Variants in CNTNAP3 observed in about 807,000 individuals in gnomAD.
CNTNAP3 encodes contactin-associated protein-like 3.
CNTNAP3 carries 36 observed loss-of-function variants against 92.1 expected under a neutral mutation model. The observed-to-expected ratio is 0.39, with a 90% CI of 0.30 to 0.52. The LOEUF (loss-of-function observed/expected upper bound fraction) is 0.52, where lower values mean the gene tolerates loss of function less well. Among genes scored for constraint, CNTNAP3 ranks in the 20% least tolerant of loss-of-function variants. The pLI is 0.76. For missense variants in CNTNAP3, 534 were observed against 1,069.6 expected (o/e 0.50, Z 6.98); for synonymous variants, 232 against 422.3 (o/e 0.55, Z 5.53).
intron 13 of CNTNAP3, among the ~76,000 whole-genome samples, chr9:39,127,738 T>C (rs1016643958): frequency 1.3e-5 from 2 of 152,230 alleles, no homozygotes; most frequent in African/African-American, 4.8e-5. Context: ...ATTTAAGTAA[T>C]TGTAACTATT....
intron 18 of CNTNAP3, among the ~76,000 whole-genome samples, chr9:39,096,494 G>T (rs1826328979): frequency 6.6e-6 from 1 of 151,912 alleles, no homozygotes; most frequent in Admixed American, 6.6e-5. Context: ...AATGTGTAAT[G>T]ATCAAATCAG....
Position 39,102,496 on chromosome 9 carries a change from C to A in CNTNAP3, c.2755+1G>T. ...TTCAGTTATAAACCACCAGCACTCA[C>A]CAATGAAGAGCTGGCTGTTGAGCTG... is the stretch of plus-strand genomic sequence containing the variant. On this transcript the variant is annotated splice_donor_variant, in intron 17 of 23. Transcript: ENST00000297668. LOFTEE classifies it high-confidence loss of function. 6.7e-7 allele frequency: 1 copy of A among 1,491,510 alleles called. No homozygotes were observed. The highest frequency in any genetic ancestry group is 9.1e-7 in the Non-Finnish European group (1 of 1,095,686). 92.4% of individuals were successfully genotyped at this position (1,491,510 alleles called of 1,614,324 possible).
In CNTNAP3 at chr9:39,065,803, A is replaced by G. The variant is rs1034474793; in HGVS notation, c.*8087T>C. Among the ~76,000 whole-genome samples the G allele has an allele frequency of 6.6e-6, 1 of 151,990 alleles. No homozygotes were observed. Among genetic ancestry groups the G allele is most frequent in the East Asian group, 1.9e-4 (1 of 5,190 alleles). ...TTCTTATATTCATTATTTTCATTTT[A>G]TTTTTGCTAATTATTGAGTTGTTAA... is the stretch of plus-strand genomic sequence containing the variant. On this transcript the variant is annotated 3_prime_UTR_variant, in exon 24 of 24. Coordinates refer to ENST00000297668, the MANE Select transcript of CNTNAP3 (RefSeq NM_033655.5).
At chr9:39,108,907 T>G (rs1006758544) in intron 15 of CNTNAP3, among the ~76,000 whole-genome samples, 5 of 152,112 alleles carry the variant, frequency 3.3e-5, no homozygotes, top group African/African-American at 1.2e-4. Flanking sequence ...TACAATCAAT[T>G]GATAATAAAT....
At chr9:39,278,189 C>A (rs2118354767) in intron 1 of CNTNAP3, among the ~76,000 whole-genome samples, 1 of 9,452 alleles carries the variant, frequency 1.1e-4, no homozygotes, top group Non-Finnish European at 3.2e-4. Context: ...TGAGTGAACT[C>A]CCATTCACAA....
intron 10 of CNTNAP3, among the ~76,000 whole-genome samples, chr9:39,147,570 A>G (rs1180726404): frequency 2.0e-5 from 3 of 152,188 alleles, no homozygotes; most frequent in African/African-American, 7.2e-5. Flanking sequence ...AATAATTTAA[A>G]AGTGCTTTCT....
At chr9:39,085,574 T>G in intron 21 of CNTNAP3, 162 bp downstream of exon 21, 1 of 689,452 alleles carries the variant, frequency 1.5e-6, no homozygotes, top group Non-Finnish European at 2.4e-6. Flanking sequence ...CACTTAGTCA[T>G]GATTATATGT....
intron 11 of CNTNAP3, among the ~76,000 whole-genome samples, chr9:39,143,393 G>T (rs1428751765): frequency 6.6e-6 from 1 of 152,096 alleles, no homozygotes; most frequent in Non-Finnish European, 1.5e-5. Flanking sequence ...GCTCCCAGGG[G>T]CTGTGGGTGC....
At chr9:39,100,940 C>T (rs919907735) in intron 17 of CNTNAP3, among the ~76,000 whole-genome samples, 1 of 150,420 alleles carries the variant, frequency 6.6e-6, no homozygotes, top group African/African-American at 2.4e-5. Context: ...TTCGGTGGGC[C>T]TAAGGTGGGG....
intron 14 of CNTNAP3, among the ~76,000 whole-genome samples, chr9:39,112,819 G>A (rs1022852897): frequency 3.0e-4 from 45 of 152,104 alleles, no homozygotes; most frequent in Non-Finnish European, 1.6e-4. Flanking sequence ...CAGCAATACA[G>A]TATGTCTTGA....
intron 9 of CNTNAP3, among the ~76,000 whole-genome samples, chr9:39,152,369 T>C (rs1430694902): frequency 7.8e-6 from 1 of 127,658 alleles, no homozygotes; most frequent in Non-Finnish European, 1.6e-5. Context: ...AAGTTTAACA[T>C]TTAACACCAT....
chr9:39,120,050 T>C (rs973547559), intron 13 of CNTNAP3, among the ~76,000 whole-genome samples: 2 of 152,184 alleles, frequency 1.3e-5, no homozygotes, highest in African/African-American at 4.8e-5. Flanking sequence ...ATACTGGCTG[T>C]AAACTTCCCA....
chr9:39,076,743 T>C (rs1197208738), intron 23 of CNTNAP3, among the ~76,000 whole-genome samples: 2 of 152,312 alleles, frequency 1.3e-5, no homozygotes, highest in African/African-American at 2.4e-5. Flanking sequence ...CCAAGGTAGG[T>C]GGATCATGAG....
At chr9:39,120,563 A>C (rs953839250) in intron 13 of CNTNAP3, among the ~76,000 whole-genome samples, 5 of 151,972 alleles carry the variant, frequency 3.3e-5, no homozygotes, top group Non-Finnish European at 7.4e-5. Flanking sequence ...CCAGCTACTC[A>C]GGAGGCTGAG....
intron 12 of CNTNAP3, among the ~76,000 whole-genome samples, chr9:39,136,554 C>G (rs868653404): frequency 6.6e-6 from 1 of 152,160 alleles, no homozygotes; most frequent in Admixed American, 6.5e-5. Context: ...CGCTGTAATA[C>G]TTATCTCCTA....
chr9:39,132,634 C>T (rs1357076148), intron 13 of CNTNAP3, among the ~76,000 whole-genome samples: 1 of 152,104 alleles, frequency 6.6e-6, no homozygotes, highest in Non-Finnish European at 1.5e-5. Context: ...CAGCCATTAT[C>T]TCCTCAGTGT....
At chr9:39,100,623 G>C (rs1385468702) in intron 17 of CNTNAP3, among the ~76,000 whole-genome samples, 1 of 151,856 alleles carries the variant, frequency 6.6e-6, no homozygotes, top group East Asian at 1.9e-4. Flanking sequence ...TTCTTACTTG[G>C]ATGGACTCTA....
At chr9:39,116,245 C>T (rs1236725216) in intron 14 of CNTNAP3, among the ~76,000 whole-genome samples, 4 of 152,166 alleles carry the variant, frequency 2.6e-5, no homozygotes, top group Admixed American at 6.5e-5. Flanking sequence ...TAATAACCTG[C>T]CAATGCTCTC....
chr9:39,209,617 CCCT>C (rs1822595792), intron 3 of CNTNAP3, among the ~76,000 whole-genome samples: 1 of 86,708 alleles, frequency 1.2e-5, no homozygotes, highest in African/African-American at 4.6e-5. Flanking sequence ...CTCCCTCCCT[CCCT>C]CCCCCACTCC....
Sources: allele counts gnomAD v4.1 joint callset (sites outside exome capture counted in the v4.1 genomes callset), GRCh38; gene constraint gnomAD v4.1.1; transcripts MANE v1.5; gene names NCBI Gene and HGNC (gene_info 2026-07-23, HGNC 2026-07-21).